The following FMNL2 variants were observed in gnomAD, a reference collection of about 807,000 sequenced individuals.
FMNL2 encodes the protein formin-like protein 2.
FMNL2 carries 51 observed loss-of-function variants against 130.2 expected under a neutral mutation model. The observed-to-expected ratio is 0.39, with a 90% CI of 0.31 to 0.49. FMNL2 has a LOEUF of 0.49. Among genes scored for constraint, FMNL2 ranks in the 20% least tolerant of loss-of-function variants. FMNL2 has a pLI of 0.85. For synonymous variants in FMNL2, 465 were observed against 467.1 expected (o/e 1.00, Z 0.06); for missense variants, 977 against 1,316.2 (o/e 0.74, Z 3.99).
In FMNL2 at chr2:152,610,686, C is replaced by T. The variant is rs141358713; in HGVS notation, c.952-809C>T. 2.2e-3 allele frequency among the ~76,000 whole-genome samples: 334 copies of T among 152,232 alleles called. 2 individuals carry two copies. Among genetic ancestry groups the T allele is most frequent in the African/African-American group, 7.5e-3 (311 of 41,540 alleles). On this transcript the variant is annotated intron_variant, in intron 10 of 25. Transcript: ENST00000288670. ...TTTGGATATACCACATTTTGTTTAT[C>T]GATTAATGGACATTGGCTTCTTTCT...
At chr2:152,549,255 T>C (rs1694809691) in intron 4 of FMNL2, among the ~76,000 whole-genome samples, 158 bp downstream of exon 4, 1 of 123,168 alleles carries the variant, frequency 8.1e-6, no homozygotes, top group Admixed American at 9.3e-5. Flanking sequence ...AATTACTTAC[T>C]GCCCAAGAAT....
In FMNL2 at chr2:152,348,818, G is replaced by GTTTTTT. The variant is rs1244621847; in HGVS notation, c.117+13120_117+13125dup. Among the ~76,000 whole-genome samples the GTTTTTT allele has an allele frequency of 6.1e-3, 435 of 71,870 alleles. 78 individuals are homozygous for GTTTTTT. Among genetic ancestry groups the GTTTTTT allele is most frequent in the African/African-American group, 0.023 (369 of 16,334 alleles). The allele number at this position is 71,870 out of a possible 152,430, so 47.1% of individuals were successfully genotyped here. On this transcript the variant is annotated intron_variant, in intron 1 of 25. Coordinates refer to ENST00000288670, the MANE Select transcript of FMNL2 (RefSeq NM_052905.4). ...CCAATTGTCTTCTGTGCTTCTAAGGGTTTTTTTTTTTTTTTTTTTTTTTTT... is the reference window on the plus strand; with the variant it reads ...CCAATTGTCTTCTGTGCTTCTAAGGGTTTTTTTTTTTTTTTTTTTTTTTTTTTTTTT...
chr2:152,544,386 C>G (rs1694503543), intron 3 of FMNL2, among the ~76,000 whole-genome samples: 1 of 151,530 alleles, frequency 6.6e-6, no homozygotes, highest in Non-Finnish European at 1.5e-5. Flanking sequence ...CCAGCCTGGG[C>G]AAAAAGAGCA....
At chr2:152,595,198 T>C (rs1313957685) in intron 9 of FMNL2, among the ~76,000 whole-genome samples, 1 of 152,080 alleles carries the variant, frequency 6.6e-6, no homozygotes, top group Non-Finnish European at 1.5e-5. Context: ...TTTCCAGGAA[T>C]AGATGTAAAA....
chr2:152,454,867 G>A (rs150642412), intron 1 of FMNL2, among the ~76,000 whole-genome samples: 34 of 152,322 alleles, frequency 2.2e-4, no homozygotes, highest in African/African-American at 7.7e-4. Flanking sequence ...GCCTGTAGCT[G>A]TTCTTACTCT....
intron 1 of FMNL2, among the ~76,000 whole-genome samples, chr2:152,341,220 A>G (rs1265503797): frequency 6.6e-6 from 1 of 152,214 alleles, no homozygotes; most frequent in Admixed American, 6.5e-5. Context: ...GAACCATTAC[A>G]GTTTCACCCT....
chr2:152,381,810 C>CTTTTTTTTTTTTTTT (rs3047878), intron 1 of FMNL2, among the ~76,000 whole-genome samples: 1 of 149,916 alleles, frequency 6.7e-6, no homozygotes, highest in Non-Finnish European at 1.5e-5. Flanking sequence ...CAAAGCAGAA[C>CTTTTTTTTTTTTTTT]TTTTTTTTTT....
intron 1 of FMNL2, among the ~76,000 whole-genome samples, chr2:152,412,513 A>G (rs1686378497): frequency 7.4e-6 from 1 of 135,818 alleles, no homozygotes; most frequent in African/African-American, 2.9e-5. Flanking sequence ...AATTAGAAAA[A>G]AATTGAAACA....
intron 4 of FMNL2, among the ~76,000 whole-genome samples, chr2:152,554,852 G>A (rs1558959669): frequency 2.0e-5 from 3 of 152,126 alleles, no homozygotes; most frequent in Admixed American, 1.3e-4. Flanking sequence ...AGTTCAGCTC[G>A]CAACTCAAAC....
chr2:152,632,284 G>A (rs1054685705), intron 21 of FMNL2, 147 bp downstream of exon 21: 19 of 1,092,844 alleles, frequency 1.7e-5, no homozygotes, highest in African/African-American at 1.6e-4. Flanking sequence ...CACATCGGCC[G>A]TGGTGTTGTC....
At chr2:152,477,389 T>C (rs1690212299) in intron 1 of FMNL2, among the ~76,000 whole-genome samples, 1 of 152,158 alleles carries the variant, frequency 6.6e-6, no homozygotes, top group South Asian at 2.1e-4. Context: ...ATCTATAAAA[T>C]GAGGATGTTG....
At chr2:152,526,920 T>G (rs1387611185) in intron 2 of FMNL2, among the ~76,000 whole-genome samples, 1 of 152,172 alleles carries the variant, frequency 6.6e-6, no homozygotes, top group Non-Finnish European at 1.5e-5. Context: ...TCTTAATATC[T>G]CCTGTTGTCC....
Position 152,580,873 on chromosome 2 carries a change from C to G in FMNL2, c.783-83C>G, listed in dbSNP as rs777011610. ...AAAATGTAAGGGCAAATGTTTTATT[C>G]TCATGTATCTTGGAAGGAAGAAACA... On this transcript the variant is annotated intron_variant, in intron 8 of 25. Coordinates refer to ENST00000288670, the MANE Select transcript of FMNL2 (RefSeq NM_052905.4). 68 of 1,242,930 alleles carry G rather than the reference C, an allele frequency of 5.5e-5. No homozygotes were observed. In the Admixed American group the frequency reaches 1.0e-3, roughly 19 times the overall value. The allele number at this position is 1,242,930 out of a possible 1,614,324, so 77.0% of individuals were successfully genotyped here.
chr2:152,475,912 C>T (rs1000070526), intron 1 of FMNL2, among the ~76,000 whole-genome samples: 5 of 152,178 alleles, frequency 3.3e-5, no homozygotes, highest in Admixed American at 3.3e-4. Flanking sequence ...TCTAAAATGA[C>T]ATTGTACCCC....
rs773996006 is a variant in FMNL2 at position 152,501,883 on chromosome 2, C to T, written c.118-20060C>T. On this transcript the variant is annotated intron_variant, in intron 1 of 25. Transcript: ENST00000288670. ...GTGTACACTTTGAATGTGATCCAAA[C>T]GTTCTAGTTCATTTAAATTTCATAA... 9.2e-5 allele frequency among the ~76,000 whole-genome samples: 14 copies of T among 152,224 alleles called. No individual in the cohort carries two copies. In the South Asian group the frequency reaches 1.0e-3, roughly 11 times the overall value.
rs900364548 is a variant in FMNL2, at chr2:152,619,082, A to C, written c.1551A>C (p.Thr517=). The part of the protein sequence containing the change: ...EVVAGNSVGP[T]MGAASSGPLP... ...TAGCAGGTAACTCTGTGGGACCCAC[A>C]ATGGGGGCCGCTTCCTCAGGACCCT... The change falls in exon 14 of 26, where the codon ACA becomes ACC. Residue 517 remains threonine, a synonymous_variant. Coordinates refer to ENST00000288670, the MANE Select transcript of FMNL2 (RefSeq NM_052905.4). 3 of 1,612,898 alleles carry C rather than the reference A, an allele frequency of 1.9e-6. No individual in the cohort carries two copies. Among genetic ancestry groups the C allele is most frequent in the Admixed American group, 3.3e-5 (2 of 59,932 alleles).
At position 152,615,122 on chromosome 2, in the gene FMNL2, C is replaced by T. The variant is rs985316310; in HGVS notation, c.1212+122C>T. ...GAGTATAGGAATAGGCCATACCCTG[C>T]AAGAGAGAGCTATCAGAAGCTGTTC... On this transcript the variant is annotated intron_variant, in intron 12 of 25. Coordinates refer to ENST00000288670, the MANE Select transcript of FMNL2 (RefSeq NM_052905.4). The T allele has an allele frequency of 9.2e-6, 9 of 974,860 alleles. No homozygotes were observed. In the African/African-American group the frequency reaches 1.5e-4, roughly 16 times the overall value. 60.4% of individuals were successfully genotyped at this position (974,860 alleles called of 1,614,324 possible). A position where few individuals can be genotyped will look rare whatever the true frequency, so the allele number is the denominator to read the frequency against.
At chr2:152,553,416 T>C (rs1370502) in intron 4 of FMNL2, among the ~76,000 whole-genome samples, 119,301 of 151,984 alleles carry the variant, frequency 0.78, 47,129 homozygotes, top group African/African-American at 0.85. Flanking sequence ...CCCTGTTTTA[T>C]GGATGAGAAT....
At chr2:152,577,408 G>A (rs796657897) in intron 7 of FMNL2, among the ~76,000 whole-genome samples, 2 of 152,290 alleles carry the variant, frequency 1.3e-5, no homozygotes, top group African/African-American at 4.8e-5. Flanking sequence ...GATCTTAGGT[G>A]CATGGTTGGA....
Sources: gnomAD v4.1 joint callset for allele counts (sites outside exome capture counted in the v4.1 genomes callset) on GRCh38, gnomAD v4.1.1 for gene constraint, MANE v1.5 for transcripts, NCBI Gene and HGNC (gene_info 2026-07-23, HGNC 2026-07-21) for gene names.